Variants in KIF26B observed in about 807,000 individuals in gnomAD.
KIF26B encodes the protein kinesin-like protein KIF26B.
KIF26B carries 63 observed loss-of-function variants against 151.2 expected under a neutral mutation model. That is an observed-to-expected ratio of 0.42 (90% CI 0.34 to 0.51). The LOEUF (loss-of-function observed/expected upper bound fraction) is 0.51. KIF26B is among the 20% of genes least tolerant of loss of function. The pLI is 0.07. For missense variants in KIF26B, 2,813 were observed against 2,913.6 expected (o/e 0.97, Z 0.79); for synonymous variants, 1,357 against 1,262.1 (o/e 1.08, Z -1.59).
At chr1:245,532,058 A>G (rs1052909981) in intron 4 of KIF26B, among the ~76,000 whole-genome samples, 2 of 152,116 alleles carry the variant, frequency 1.3e-5, no homozygotes, top group East Asian at 3.9e-4. Context: ...ACAGCACTCC[A>G]GCATGGTGAC....
At chr1:245,310,650 C>G (rs1298895294) in intron 2 of KIF26B, among the ~76,000 whole-genome samples, 1 of 152,194 alleles carries the variant, frequency 6.6e-6, no homozygotes, top group East Asian at 1.9e-4. Flanking sequence ...TTCTTTTGCA[C>G]TCGAAGGCTT....
rs1244683701 is a variant in KIF26B, at chr1:245,687,133, T to C, written c.4150T>C (p.Tyr1384His). Residue 1384 changes from tyrosine to histidine, a missense_variant, in exon 12 of 15, where the codon TAC becomes CAC. Around this residue, in one of 3 missense-constraint regions of KIF26B, gnomAD observed 2,060 missense variants for 2,088.6 expected, o/e 0.99. Coordinates refer to ENST00000407071, the MANE Select transcript of KIF26B (RefSeq NM_018012.4). The surrounding 1 kb of genome is among the most constrained non-coding windows in gnomAD (Gnocchi z 4.9). ...NTANLSSCEG[Y>H]IPMKTNITVY... Reference sequence around the variant, plus strand: ...GGCCAATCTGAGCAGCTGCGAGGGGTACATCCCCATGAAGACCAATATCAC... The same window carrying C: ...GGCCAATCTGAGCAGCTGCGAGGGGCACATCCCCATGAAGACCAATATCAC... The C allele has an allele frequency of 2.5e-6, 4 of 1,612,820 alleles. No individual in the cohort carries two copies. The highest frequency in any genetic ancestry group is 3.3e-5 in the Admixed American group (2 of 59,934).
intron 2 of KIF26B, among the ~76,000 whole-genome samples, chr1:245,217,825 C>T (rs183945637): frequency 4.1e-4 from 63 of 152,256 alleles, no homozygotes; most frequent in Admixed American, 1.3e-3. Context: ...CACAGGTCCG[C>T]AGAACAGTCA....
intron 2 of KIF26B, among the ~76,000 whole-genome samples, chr1:245,278,968 C>A (rs1462578563): frequency 6.6e-6 from 1 of 152,164 alleles, no homozygotes; most frequent in Non-Finnish European, 1.5e-5. Context: ...GCCCACAGCC[C>A]AGGCTCTCCT....
chr1:245,270,179 CTTCCATTCCTTCTTCTT>C (rs1391759167), intron 2 of KIF26B, among the ~76,000 whole-genome samples: 56 of 143,862 alleles, frequency 3.9e-4, no homozygotes, highest in South Asian at 6.8e-4. Context: ...CCCTTCTTCC[CTTCCATTCCTTCTTCTT>C]TTCCCTTCCC....
intron 12 of KIF26B, among the ~76,000 whole-genome samples, chr1:245,690,748 G>GC (rs980264616): frequency 1.3e-5 from 2 of 151,750 alleles, no homozygotes. Context: ...CCTGGGGGGG[G>GC]GGTATGCTTC....
chr1:245,385,357 A>C (rs1029533137), intron 3 of KIF26B, among the ~76,000 whole-genome samples: 6 of 152,266 alleles, frequency 3.9e-5, no homozygotes, highest in African/African-American at 1.4e-4. Flanking sequence ...TATTGATTAC[A>C]GTAACTAGTC....
At chr1:245,254,396 G>A (rs930816001) in intron 2 of KIF26B, among the ~76,000 whole-genome samples, 1 of 152,148 alleles carries the variant, frequency 6.6e-6, no homozygotes, top group Non-Finnish European at 1.5e-5. Flanking sequence ...TGTTTTACAG[G>A]GGGAGGGTAA....
chr1:245,536,960 C>T (rs762770629), intron 4 of KIF26B, among the ~76,000 whole-genome samples: 5 of 152,210 alleles, frequency 3.3e-5, no homozygotes, highest in Non-Finnish European at 7.3e-5. Context: ...ACTTCCATTA[C>T]ATTCTGTTGG....
At position 245,686,435 on chromosome 1, in the gene KIF26B, C is replaced by T. The variant is rs955347137; in HGVS notation, c.3452C>T (p.Pro1151Leu). 1 of 1,613,320 alleles carries T rather than the reference C, an allele frequency of 6.2e-7. No homozygotes were observed. Among genetic ancestry groups the T allele is most frequent in the African/African-American group, 1.3e-5 (1 of 74,942 alleles). Reference protein sequence around the residue: ...SAGSEGFPETPVDDEQQAATP... With the variant: ...SAGSEGFPETLVDDEQQAATP... Reference sequence around the variant, plus strand: ...GGGAGCGAAGGGTTCCCGGAAACTCCTGTCGATGATGAGCAGCAGGCAGCT... The same window carrying T: ...GGGAGCGAAGGGTTCCCGGAAACTCTTGTCGATGATGAGCAGCAGGCAGCT... Residue 1151 changes from proline to leucine, a missense_variant, in exon 12 of 15, where the codon CCT becomes CTT. Physicochemically the swap from Pro to Leu is moderately conservative, Grantham distance 98. This residue lies in a region of KIF26B where 2,060 missense variants were observed against 2,088.6 expected (regional missense o/e 0.99). Transcript: ENST00000407071. This position sits in a 1 kb window ranked among gnomAD's most constrained non-coding sequence, Gnocchi z 5.6.
At chr1:245,617,710 G>A (rs982925261) in intron 9 of KIF26B, among the ~76,000 whole-genome samples, 1 of 152,104 alleles carries the variant, frequency 6.6e-6, no homozygotes, top group African/African-American at 2.4e-5. Context: ...ATGTTGGCCA[G>A]GAGACACTAT....
At chr1:245,443,625 T>A (rs1659172993) in intron 4 of KIF26B, among the ~76,000 whole-genome samples, 1 of 106,976 alleles carries the variant, frequency 9.3e-6, no homozygotes, top group Non-Finnish European at 2.0e-5. Flanking sequence ...TCCCTCACTG[T>A]TCACCTAGAG....
At chr1:245,627,386 C>T (rs2043734964) in intron 9 of KIF26B, among the ~76,000 whole-genome samples, 1 of 152,066 alleles carries the variant, frequency 6.6e-6, no homozygotes, top group Non-Finnish European at 1.5e-5. Context: ...AATTGAACAA[C>T]CTGCTCCTGA....
At chr1:245,368,843 A>T (rs1441183650) in intron 3 of KIF26B, among the ~76,000 whole-genome samples, 1 of 152,136 alleles carries the variant, frequency 6.6e-6, no homozygotes, top group Admixed American at 6.6e-5. Flanking sequence ...AGTGACAAGA[A>T]TCCAGTCTTT....
chr1:245,622,380 G>T (rs1413194352), intron 9 of KIF26B, among the ~76,000 whole-genome samples: 1 of 152,268 alleles, frequency 6.6e-6, no homozygotes, highest in African/African-American at 2.4e-5. Flanking sequence ...GGAATTTGAG[G>T]ATAGGAAGGG....
At chr1:245,532,243 C>CT (rs1558202411) in intron 4 of KIF26B, among the ~76,000 whole-genome samples, 1 of 95,192 alleles carries the variant, frequency 1.1e-5, no homozygotes. Context: ...CTTTTCTTTT[C>CT]TTTTCTTTTT....
At chr1:245,238,251 A>C (rs1468143854) in intron 2 of KIF26B, among the ~76,000 whole-genome samples, 3 of 152,058 alleles carry the variant, frequency 2.0e-5, no homozygotes, top group African/African-American at 7.2e-5. Flanking sequence ...CACAAGAATC[A>C]CTTGAACCCA....
At chr1:245,629,816 A>G (rs1248301651) in intron 9 of KIF26B, among the ~76,000 whole-genome samples, 1 of 152,294 alleles carries the variant, frequency 6.6e-6, no homozygotes, top group East Asian at 1.9e-4. Context: ...ACAACCTACA[A>G]AACGGGAGAA....
chr1:245,507,676 G>A lies in KIF26B; in HGVS notation c.1167-33091G>A, dbSNP rs72762847. ...TCCATGTCCCCTCCACATGGCCCCAGGATTGCTGGTGAACATGAGAGACAG... is the reference window on the plus strand; with the variant it reads ...TCCATGTCCCCTCCACATGGCCCCAAGATTGCTGGTGAACATGAGAGACAG... On this transcript the variant is annotated intron_variant, in intron 4 of 14. Coordinates refer to ENST00000407071, the MANE Select transcript of KIF26B (RefSeq NM_018012.4). 9.4e-3 allele frequency among the ~76,000 whole-genome samples: 1,436 copies of A among 152,274 alleles called. 12 individuals are homozygous for A. Among genetic ancestry groups the A allele is most frequent in the Non-Finnish European group, 0.015 (998 of 68,014 alleles).
Sources: gnomAD v4.1 joint callset for allele counts (sites outside exome capture counted in the v4.1 genomes callset) on GRCh38, gnomAD v4.1.1 for gene constraint, gnomAD v4.1.1 regional missense constraint, Gnocchi (gnomAD v3.1) non-coding constraint, MANE v1.5 for transcripts, NCBI Gene and HGNC (gene_info 2026-07-23, HGNC 2026-07-21) for gene names.